The following DPP10 variants were observed in gnomAD, a reference collection of about 807,000 sequenced individuals.
DPP10 encodes dipeptidyl peptidase like 10.
In DPP10, 33 loss-of-function variants were observed where a neutral mutation model predicts 120.9. The observed-to-expected ratio is 0.27, with a 90% confidence interval of 0.21 to 0.37. DPP10 has a LOEUF of 0.37. DPP10 is among the 10% of genes least tolerant of loss of function. The pLI is 1.00. For missense variants in DPP10, 816 were observed against 942.8 expected (o/e 0.87, Z 1.76); for synonymous variants, 337 against 326.1 (o/e 1.03, Z -0.36).
chr2:115,732,585 A>C (rs1402677167), intron 8 of DPP10, among the ~76,000 whole-genome samples: 1 of 152,210 alleles, frequency 6.6e-6, no homozygotes, highest in Non-Finnish European at 1.5e-5. Flanking sequence ...AATGTAATTA[A>C]ATACGATATC....
Position 115,499,605 on chromosome 2 carries a change from G to C in DPP10, c.366+1G>C, listed in dbSNP as rs1013046831. 6.2e-7 allele frequency: 1 copy of C among 1,601,872 alleles called. No individual in the cohort carries two copies. On this transcript the variant is annotated splice_donor_variant, in intron 4 of 25. Transcript: ENST00000410059. LOFTEE classifies it high-confidence loss of function. ...ATTATTATTGGAAAACACAACTTTT[G>C]TAAGTAATGAATAATTAATTACTTT...
At chr2:114,958,524 T>A (rs1367510336) in intron 1 of DPP10, among the ~76,000 whole-genome samples, 1 of 152,196 alleles carries the variant, frequency 6.6e-6, no homozygotes, top group Non-Finnish European at 1.5e-5. Context: ...AAGATTAGAT[T>A]TTAAACGTTT....
At chr2:115,605,907 C>T (rs1558916445) in intron 5 of DPP10, among the ~76,000 whole-genome samples, 1 of 152,022 alleles carries the variant, frequency 6.6e-6, no homozygotes, top group African/African-American at 2.4e-5. Context: ...TCCAGATTCA[C>T]AAAGAAATCC....
At chr2:114,450,985 A>G (rs1471795083) in intron 1 of DPP10, among the ~76,000 whole-genome samples, 3 of 151,954 alleles carry the variant, frequency 2.0e-5, no homozygotes, top group African/African-American at 4.8e-5. Flanking sequence ...ACTTCTCCCA[A>G]CTCTGGTTTC....
At chr2:114,929,004 TAAAG>T (rs1334540019) in intron 1 of DPP10, among the ~76,000 whole-genome samples, 2 of 151,864 alleles carry the variant, frequency 1.3e-5, no homozygotes, top group Non-Finnish European at 1.5e-5. Context: ...GTCTGAGAAA[TAAAG>T]AGAAAGAGTA....
At chr2:114,615,291 C>A (rs1693594626) in intron 1 of DPP10, among the ~76,000 whole-genome samples, 1 of 152,224 alleles carries the variant, frequency 6.6e-6, no homozygotes, top group South Asian at 2.1e-4. Flanking sequence ...ATCATGAATG[C>A]AATTTAATTT....
intron 1 of DPP10, among the ~76,000 whole-genome samples, chr2:115,183,614 C>T (rs1418772560): frequency 6.6e-6 from 1 of 152,152 alleles, no homozygotes; most frequent in African/African-American, 2.4e-5. Flanking sequence ...GGTTCCATGG[C>T]AATCTTTATT....
chr2:115,166,841 T>C (rs1250323703), intron 1 of DPP10, among the ~76,000 whole-genome samples: 3 of 152,028 alleles, frequency 2.0e-5, no homozygotes, highest in Non-Finnish European at 4.4e-5. Context: ...AAATTCAAAA[T>C]TTTGGTTTCT....
At chr2:115,675,671 G>A (rs1423433241) in intron 5 of DPP10, among the ~76,000 whole-genome samples, 3 of 152,144 alleles carry the variant, frequency 2.0e-5, no homozygotes, top group Non-Finnish European at 2.9e-5. Flanking sequence ...TCTAGCTATA[G>A]TAGAGCCCCT....
chr2:115,478,419 A>G (rs909558148), intron 3 of DPP10, among the ~76,000 whole-genome samples: 7 of 152,216 alleles, frequency 4.6e-5, no homozygotes, highest in Non-Finnish European at 8.8e-5. Context: ...AAGTGAATCT[A>G]TCACTTAAGT....
chr2:114,494,558 G>C (rs919235865), intron 1 of DPP10, among the ~76,000 whole-genome samples: 3 of 152,136 alleles, frequency 2.0e-5, no homozygotes, highest in Non-Finnish European at 2.9e-5. Context: ...ATGAATAATG[G>C]AGAGCATTTA....
At chr2:114,978,903 C>A (rs1327918199) in intron 1 of DPP10, among the ~76,000 whole-genome samples, 4 of 152,054 alleles carry the variant, frequency 2.6e-5, no homozygotes, top group Non-Finnish European at 5.9e-5. Flanking sequence ...AATTCCTATC[C>A]CTAACACACT....
chr2:114,951,610 T>C (rs984924246), intron 1 of DPP10, among the ~76,000 whole-genome samples: 9 of 152,176 alleles, frequency 5.9e-5, no homozygotes, highest in African/African-American at 2.2e-4. Flanking sequence ...AGAACAGATA[T>C]TTTTAAGCAG....
intron 1 of DPP10, among the ~76,000 whole-genome samples, chr2:114,557,102 A>C (rs1036034038): frequency 1.3e-5 from 2 of 151,936 alleles, no homozygotes; most frequent in Non-Finnish European, 2.9e-5. Flanking sequence ...ATTATAGAAC[A>C]ATATGTAATC....
chr2:114,867,671 C>A (rs1690351869), intron 1 of DPP10, among the ~76,000 whole-genome samples: 1 of 152,212 alleles, frequency 6.6e-6, no homozygotes, highest in Non-Finnish European at 1.5e-5. Context: ...ATGCACCAAG[C>A]TAAAGCTTGC....
intron 7 of DPP10, among the ~76,000 whole-genome samples, chr2:115,705,624 C>G (rs1247110519): frequency 6.6e-6 from 1 of 151,862 alleles, no homozygotes; most frequent in African/African-American, 2.4e-5. Context: ...GGGAGTGAAG[C>G]CAAACAATTT....
intron 1 of DPP10, among the ~76,000 whole-genome samples, chr2:115,041,869 G>A (rs1289611758): frequency 6.6e-6 from 1 of 152,120 alleles, no homozygotes; most frequent in Non-Finnish European, 1.5e-5. Flanking sequence ...GGTGCCCTTT[G>A]TAACACAACA....
chr2:114,630,346 T>C (rs980838035), intron 1 of DPP10, among the ~76,000 whole-genome samples: 1 of 152,136 alleles, frequency 6.6e-6, no homozygotes, highest in Non-Finnish European at 1.5e-5. Context: ...AGGCAGGGGT[T>C]TTTTATTCTG....
chr2:115,084,091 G>A (rs762063296), intron 1 of DPP10, among the ~76,000 whole-genome samples: 9 of 152,040 alleles, frequency 5.9e-5, no homozygotes, highest in Non-Finnish European at 1.3e-4. Context: ...CTATCAATAT[G>A]AATACGAAAC....
Sources: allele counts gnomAD v4.1 joint callset (sites outside exome capture counted in the v4.1 genomes callset), GRCh38; gene constraint gnomAD v4.1.1; transcripts MANE v1.5; gene names NCBI Gene and HGNC (gene_info 2026-07-23, HGNC 2026-07-21).